CACNA2D3: variants seen among roughly 807,000 people sequenced by gnomAD.
CACNA2D3 encodes voltage-dependent calcium channel subunit alpha-2/delta-3.
Under a neutral mutation model 160.6 loss-of-function variants are expected in CACNA2D3, and 60 were observed. The observed-to-expected ratio is 0.37, with a 90% CI of 0.30 to 0.46. The LOEUF (loss-of-function observed/expected upper bound fraction) is 0.46. Ranked by LOEUF, CACNA2D3 falls within the 20% of genes least tolerant of loss-of-function variation. The pLI, the probability that CACNA2D3 is intolerant of heterozygous loss-of-function variation, is 1.00. For missense variants in CACNA2D3, 1,205 were observed against 1,365.0 expected (o/e 0.88, Z 1.85); for synonymous variants, 558 against 492.9 (o/e 1.13, Z -1.75).
At chr3:54,770,298 C>A (rs1335036609) in intron 13 of CACNA2D3, among the ~76,000 whole-genome samples, 10 of 152,144 alleles carry the variant, frequency 6.6e-5, no homozygotes, top group Non-Finnish European at 1.3e-4. Context: ...ATGTTGCATT[C>A]CTACACATGA....
At chr3:54,925,293 A>G in intron 27 of CACNA2D3, 1 of 1,208,398 alleles carries the variant, frequency 8.3e-7, no homozygotes, top group Non-Finnish European at 1.2e-6. Flanking sequence ...CTTTGAATTT[A>G]CAGGTAATGT....
intron 4 of CACNA2D3, among the ~76,000 whole-genome samples, chr3:54,429,404 T>A (rs1336354562): frequency 6.6e-6 from 1 of 152,140 alleles, no homozygotes; most frequent in Non-Finnish European, 1.5e-5. Flanking sequence ...TATTTCTTTC[T>A]TTCTTCTCTC....
At chr3:55,067,786 G>A (rs1455902787) in intron 35 of CACNA2D3, among the ~76,000 whole-genome samples, 1 of 152,090 alleles carries the variant, frequency 6.6e-6, no homozygotes, top group Non-Finnish European at 1.5e-5. Context: ...TTATAGAAAT[G>A]TGTCTTTTTT....
intron 13 of CACNA2D3, among the ~76,000 whole-genome samples, chr3:54,772,091 C>T (rs1377406209): frequency 6.6e-6 from 1 of 150,778 alleles, no homozygotes; most frequent in Non-Finnish European, 1.5e-5. Context: ...AGATCTGTGA[C>T]CCTGCTGATG....
At chr3:54,319,213 T>A (rs7431992) in intron 2 of CACNA2D3, among the ~76,000 whole-genome samples, 13,548 of 132,838 alleles carry the variant, frequency 0.1, 678 homozygotes, top group Middle Eastern at 0.17. Flanking sequence ...CTTCCTCGAG[T>A]CAAGGAGAAA....
intron 35 of CACNA2D3, among the ~76,000 whole-genome samples, chr3:55,057,528 G>C (rs1704394370): frequency 6.6e-6 from 1 of 152,142 alleles, no homozygotes; most frequent in Non-Finnish European, 1.5e-5. Context: ...AGAAATGTGA[G>C]ATTTTTTTTG....
Position 55,002,320 on chromosome 3 carries a change from A to G in CACNA2D3, c.2691-2443A>G, listed in dbSNP as rs139903627. On this transcript the variant is annotated intron_variant, in intron 31 of 37. Coordinates refer to ENST00000474759, the MANE Select transcript of CACNA2D3 (RefSeq NM_018398.3). ...TCTGGCACATGTTTTAGGTGTAGAGACAGCATTGGGCAGTGGGAAAAGGAT... is the reference window on the plus strand; with the variant it reads ...TCTGGCACATGTTTTAGGTGTAGAGGCAGCATTGGGCAGTGGGAAAAGGAT... 3.1e-3 allele frequency among the ~76,000 whole-genome samples: 479 copies of G among 152,294 alleles called. 1 individual carries two copies. Among genetic ancestry groups the G allele is most frequent in the African/African-American group, 9.9e-3 (411 of 41,558 alleles).
chr3:54,801,621 G>A (rs1425424436), intron 13 of CACNA2D3, among the ~76,000 whole-genome samples: 1 of 152,042 alleles, frequency 6.6e-6, no homozygotes, highest in Non-Finnish European at 1.5e-5. Context: ...GATCAGCGGT[G>A]GATATTAGCA....
intron 11 of CACNA2D3, among the ~76,000 whole-genome samples, chr3:54,693,200 G>A (rs949608401): frequency 6.6e-6 from 1 of 152,202 alleles, no homozygotes; most frequent in Non-Finnish European, 1.5e-5. Flanking sequence ...ACACTAAAAT[G>A]TGGGAAGGTC....
intron 34 of CACNA2D3, among the ~76,000 whole-genome samples, chr3:55,015,551 G>A (rs1297284164): frequency 1.3e-5 from 2 of 152,076 alleles, no homozygotes; most frequent in Non-Finnish European, 2.9e-5. Flanking sequence ...CTAAGCTATT[G>A]TATACTTAAA....
intron 27 of CACNA2D3, chr3:54,928,118 C>G: frequency 1.8e-6 from 1 of 567,096 alleles, no homozygotes; most frequent in Non-Finnish European, 3.1e-6. Context: ...CTCCATCTGG[C>G]TGGGATCAGT....
intron 11 of CACNA2D3, among the ~76,000 whole-genome samples, chr3:54,743,636 C>A (rs889507532): frequency 3.9e-5 from 6 of 152,170 alleles, no homozygotes; most frequent in Non-Finnish European, 5.9e-5. Context: ...ATTTTCTGAT[C>A]TGTTTTTGGT....
intron 29 of CACNA2D3, among the ~76,000 whole-genome samples, chr3:54,974,619 T>A (rs999200175): frequency 6.6e-6 from 1 of 152,224 alleles, no homozygotes; most frequent in Non-Finnish European, 1.5e-5. Context: ...AGAATCAGAC[T>A]TCTCTGAGTA....
chr3:54,444,260 A>G (rs1443579516), intron 4 of CACNA2D3, among the ~76,000 whole-genome samples: 1 of 152,118 alleles, frequency 6.6e-6, no homozygotes, highest in East Asian at 1.9e-4. Flanking sequence ...AATGTCCCAG[A>G]CACCTTTTTT....
At chr3:54,391,789 G>A (rs1223257460) in intron 4 of CACNA2D3, among the ~76,000 whole-genome samples, 2 of 152,162 alleles carry the variant, frequency 1.3e-5, no homozygotes, top group African/African-American at 4.8e-5. Flanking sequence ...GGGATTATAG[G>A]TATGAGCCAC....
chr3:54,562,556 G>A (rs1418089255), intron 5 of CACNA2D3, among the ~76,000 whole-genome samples: 1 of 152,174 alleles, frequency 6.6e-6, no homozygotes, highest in Non-Finnish European at 1.5e-5. Context: ...ATAAAAGGAA[G>A]TGTCTTTCAA....
intron 27 of CACNA2D3, among the ~76,000 whole-genome samples, chr3:54,902,077 G>T (rs967459930): frequency 6.6e-6 from 1 of 152,220 alleles, no homozygotes; most frequent in Non-Finnish European, 1.5e-5. Context: ...TCTCCCATCA[G>T]TGTGCCCCAA....
intron 10 of CACNA2D3, among the ~76,000 whole-genome samples, chr3:54,641,452 G>T (rs1425895808): frequency 3.9e-5 from 6 of 152,174 alleles, no homozygotes; most frequent in Non-Finnish European, 7.3e-5. Flanking sequence ...GCAGGCTTCA[G>T]AGAGAATAGA....
At chr3:54,358,021 A>G (rs1293206546) in intron 3 of CACNA2D3, among the ~76,000 whole-genome samples, 1 of 152,248 alleles carries the variant, frequency 6.6e-6, no homozygotes, top group Non-Finnish European at 1.5e-5. Context: ...GAAGTACAAC[A>G]CCAAGAGTTA....
Sources: allele counts gnomAD v4.1 joint callset (sites outside exome capture counted in the v4.1 genomes callset), GRCh38; gene constraint gnomAD v4.1.1; transcripts MANE v1.5; gene names NCBI Gene and HGNC (gene_info 2026-07-23, HGNC 2026-07-21).